The following WWC1 variants were observed in gnomAD, a reference collection of about 807,000 sequenced individuals.
WWC1 encodes WW and C2 domain containing 1.
In WWC1, 55 loss-of-function variants were observed where a neutral mutation model predicts 138.4. The observed-to-expected ratio is 0.40, with a 90% CI of 0.32 to 0.50. The LOEUF (loss-of-function observed/expected upper bound fraction) is 0.50. Ranked by LOEUF, WWC1 falls within the 20% of genes least tolerant of loss-of-function variation. WWC1 has a pLI of 0.72. For missense variants in WWC1, 1,226 were observed against 1,420.4 expected, an observed-to-expected ratio of 0.86 and a Z score of 2.20; for synonymous variants, 524 against 564.9, an observed-to-expected ratio of 0.93 and a Z score of 1.03.
At chr5:168,424,293 T>A (rs1781346950) in intron 11 of WWC1, among the ~76,000 whole-genome samples, 1 of 152,230 alleles carries the variant, frequency 6.6e-6, no homozygotes, top group Non-Finnish European at 1.5e-5. Context: ...AACAGACATT[T>A]AGCACCTCAT....
At chr5:168,349,871 A>G (rs959770295) in intron 1 of WWC1, among the ~76,000 whole-genome samples, 12 of 152,042 alleles carry the variant, frequency 7.9e-5, no homozygotes, top group Admixed American at 1.3e-4. Flanking sequence ...CTCTTAAGTA[A>G]CCGTTTGTTT....
chr5:168,400,394 C>T (rs1779222467), intron 5 of WWC1, among the ~76,000 whole-genome samples: 1 of 152,148 alleles, frequency 6.6e-6, no homozygotes, highest in African/African-American at 2.4e-5. Context: ...CATGTATTCT[C>T]ATCATTTAGC....
intron 1 of WWC1, among the ~76,000 whole-genome samples, chr5:168,330,097 G>A (rs1048821533): frequency 6.6e-6 from 1 of 152,192 alleles, no homozygotes; most frequent in Non-Finnish European, 1.5e-5. Flanking sequence ...GTGACAGTGC[G>A]AGACCCTGTC....
intron 1 of WWC1, among the ~76,000 whole-genome samples, chr5:168,319,723 A>T: frequency 6.6e-6 from 1 of 151,588 alleles, no homozygotes. Flanking sequence ...CTGGTCTTGA[A>T]CTCCTGAGTT....
chr5:168,386,706 A>T (rs1388426326), intron 3 of WWC1, among the ~76,000 whole-genome samples: 1 of 145,156 alleles, frequency 6.9e-6, no homozygotes, highest in Non-Finnish European at 1.5e-5. Flanking sequence ...CTGTTGCCCA[A>T]GCTGGAGTGC....
Position 168,333,943 on chromosome 5 carries a change from G to A in WWC1, c.120-37481G>A, listed in dbSNP as rs372493648. 2.9e-4 allele frequency among the ~76,000 whole-genome samples: 44 copies of A among 151,698 alleles called. 1 individual carries two copies. Among genetic ancestry groups the A allele is most frequent in the Middle Eastern group, 3.4e-3 (1 of 294 alleles). ...AGTCTACTCTCCCTGGCCTGGCAAG[G>A]GGGCTCATGCCTATAATCACAACAC... On this transcript the variant is annotated intron_variant, in intron 1 of 22. Coordinates refer to ENST00000265293, the MANE Select transcript of WWC1 (RefSeq NM_015238.3).
chr5:168,301,439 C>T (rs1770063142), intron 1 of WWC1, among the ~76,000 whole-genome samples: 1 of 152,148 alleles, frequency 6.6e-6, no homozygotes, highest in African/African-American at 2.4e-5. Context: ...AGTTCAAGAC[C>T]ACCCTGGTCA....
intron 9 of WWC1, among the ~76,000 whole-genome samples, chr5:168,416,766 A>G (rs1780691644): frequency 1.3e-5 from 2 of 152,368 alleles, no homozygotes; most frequent in South Asian, 4.1e-4. Flanking sequence ...AAAACAGGAT[A>G]CATTAAGTCT....
At chr5:168,437,558 A>G (rs1016966612) in intron 15 of WWC1, among the ~76,000 whole-genome samples, 3 of 152,158 alleles carry the variant, frequency 2.0e-5, no homozygotes, top group African/African-American at 7.2e-5. Flanking sequence ...AGGAATATTT[A>G]TCTGCCTTCA....
intron 5 of WWC1, among the ~76,000 whole-genome samples, chr5:168,405,433 GA>G (rs1779703732): frequency 6.6e-6 from 1 of 152,198 alleles, no homozygotes; most frequent in Non-Finnish European, 1.5e-5. Flanking sequence ...GAATGAGACA[GA>G]CACGTTCAAC....
chr5:168,426,793 C>A (rs531942595), intron 11 of WWC1, among the ~76,000 whole-genome samples: 151 of 152,348 alleles, frequency 9.9e-4, no homozygotes, highest in Middle Eastern at 3.4e-3. Flanking sequence ...GAGCCCTTGC[C>A]CTGCTCCGGT....
chr5:168,362,731 G>A (rs1339410755), intron 1 of WWC1, among the ~76,000 whole-genome samples: 1 of 152,238 alleles, frequency 6.6e-6, no homozygotes, highest in Non-Finnish European at 1.5e-5. Context: ...AGTGGGAACA[G>A]ATAAGCATAG....
At chr5:168,399,767 G>T (rs534562285) in intron 5 of WWC1, among the ~76,000 whole-genome samples, 200 bp downstream of exon 5, 2 of 152,134 alleles carry the variant, frequency 1.3e-5, no homozygotes, top group Admixed American at 6.5e-5. Context: ...GAGGAAAGGG[G>T]AGTCATTTCA....
At chr5:168,326,447 C>T (rs567267413) in intron 1 of WWC1, among the ~76,000 whole-genome samples, 2 of 152,162 alleles carry the variant, frequency 1.3e-5, no homozygotes, top group South Asian at 4.1e-4. Flanking sequence ...GAACTCCCCA[C>T]CTCAGGTGAT....
At chr5:168,440,691 A>G (rs1307071017) in intron 15 of WWC1, among the ~76,000 whole-genome samples, 1 of 151,928 alleles carries the variant, frequency 6.6e-6, no homozygotes, top group Non-Finnish European at 1.5e-5. Flanking sequence ...CTAATTTTGT[A>G]TTTTTAGTAG....
chr5:168,404,157 C>CCT (rs1263013754), intron 5 of WWC1, among the ~76,000 whole-genome samples: 4 of 152,100 alleles, frequency 2.6e-5, no homozygotes, highest in Non-Finnish European at 5.9e-5. Context: ...CCCTTCTTGC[C>CCT]CTGTTGGCAG....
intron 2 of WWC1, among the ~76,000 whole-genome samples, chr5:168,372,888 G>A (rs550011014): frequency 1.7e-4 from 26 of 152,340 alleles, no homozygotes; most frequent in African/African-American, 6.3e-4. Flanking sequence ...AAGGCACATA[G>A]TAGGTGTGAA....
At chr5:168,437,946 G>A (rs534191654) in intron 15 of WWC1, among the ~76,000 whole-genome samples, 1 of 152,160 alleles carries the variant, frequency 6.6e-6, no homozygotes, top group South Asian at 2.1e-4. Context: ...GTCTGCGAAG[G>A]GCTTAGGGAG....
intron 2 of WWC1, among the ~76,000 whole-genome samples, chr5:168,374,045 C>CAA (rs200314568): frequency 9.4e-4 from 94 of 99,550 alleles, no homozygotes; most frequent in African/African-American, 1.2e-3. Context: ...GATTCTGTAC[C>CAA]AAAAAAAAAA....
Sources: allele counts gnomAD v4.1 joint callset (sites outside exome capture counted in the v4.1 genomes callset), GRCh38; gene constraint gnomAD v4.1.1; transcripts MANE v1.5; gene names NCBI Gene and HGNC (gene_info 2026-07-23, HGNC 2026-07-21).